FNIP1: variants seen among roughly 807,000 people sequenced by gnomAD.
FNIP1 encodes folliculin interacting protein 1.
FNIP1 carries 40 observed loss-of-function variants against 124.5 expected under a neutral mutation model. That is an observed-to-expected ratio of 0.32 (90% CI 0.25 to 0.42). FNIP1 has a LOEUF of 0.42. Ranked by LOEUF, FNIP1 falls within the 10% of genes least tolerant of loss-of-function variation. The pLI is 1.00. For synonymous variants in FNIP1, 472 were observed against 470.6 expected (o/e 1.00, Z -0.04); for missense variants, 1,176 against 1,403.7 (o/e 0.84, Z 2.59).
At chr5:131,679,215 AGAGTTACATACT>A in intron 11 of FNIP1, 40 bp from the exon 12 acceptor site, 1 of 1,161,774 alleles carries the variant, frequency 8.6e-7, no homozygotes, top group Non-Finnish European at 1.3e-6. Context: ...TATAGTTCCA[AGAGTTACATACT>A]CTTAAAATAA....
chr5:131,744,829 A>T (rs1561686180), intron 1 of FNIP1, 139 bp from the exon 2 acceptor site: 7 of 533,282 alleles, frequency 1.3e-5, no homozygotes, highest in Non-Finnish European at 1.8e-5. Flanking sequence ...CTTTATATTA[A>T]ATATCACCAG....
At chr5:131,701,928 T>G (rs1334440151) in intron 10 of FNIP1, among the ~76,000 whole-genome samples, 1 of 152,132 alleles carries the variant, frequency 6.6e-6, no homozygotes, top group African/African-American at 2.4e-5. Context: ...CTATTCCTCT[T>G]TGTATCCTTT....
At chr5:131,795,083 G>T (rs1333460316) in intron 1 of FNIP1, among the ~76,000 whole-genome samples, 1 of 151,940 alleles carries the variant, frequency 6.6e-6, no homozygotes, top group Admixed American at 6.6e-5. Context: ...AACCAGAATG[G>T]TTTTTTTTCC....
At chr5:131,758,460 G>A (rs1426162260) in intron 1 of FNIP1, among the ~76,000 whole-genome samples, 1 of 152,122 alleles carries the variant, frequency 6.6e-6, no homozygotes, top group African/African-American at 2.4e-5. Flanking sequence ...TTTAACTGAA[G>A]ACAAATGTAA....
intron 8 of FNIP1, among the ~76,000 whole-genome samples, chr5:131,708,146 A>T (rs999988895): frequency 6.6e-6 from 1 of 152,216 alleles, no homozygotes; most frequent in African/African-American, 2.4e-5. Context: ...ACAAATACAG[A>T]TGCCTAGAGA....
chr5:131,726,129 C>T (rs1189818214), intron 3 of FNIP1, among the ~76,000 whole-genome samples: 1 of 152,172 alleles, frequency 6.6e-6, no homozygotes, highest in Non-Finnish European at 1.5e-5. Flanking sequence ...CATTGATGTT[C>T]ATCAGGGATA....
intron 3 of FNIP1, among the ~76,000 whole-genome samples, chr5:131,729,155 T>C (rs891381114): frequency 1.2e-4 from 19 of 152,132 alleles, no homozygotes; most frequent in South Asian, 4.1e-4. Flanking sequence ...TGAGGAGTCA[T>C]AGGGGTCAGG....
At chr5:131,696,738 T>G (rs1768706760) in intron 11 of FNIP1, among the ~76,000 whole-genome samples, 1 of 152,126 alleles carries the variant, frequency 6.6e-6, no homozygotes, top group Admixed American at 6.5e-5. Flanking sequence ...TACAAATTAT[T>G]TCTAATACCA....
chr5:131,782,860 A>G (rs1772041462), intron 1 of FNIP1, among the ~76,000 whole-genome samples: 1 of 152,228 alleles, frequency 6.6e-6, no homozygotes, highest in African/African-American at 2.4e-5. Flanking sequence ...TGGTGGTTTC[A>G]CCATGTTGGC....
chr5:131,756,106 C>T (rs922041961), intron 1 of FNIP1, among the ~76,000 whole-genome samples: 3 of 151,848 alleles, frequency 2.0e-5, no homozygotes, highest in East Asian at 1.9e-4. Flanking sequence ...TAAAAGTGTT[C>T]ATGGAATTTA....
chr5:131,784,118 C>A (rs1054918415), intron 1 of FNIP1, among the ~76,000 whole-genome samples: 1 of 152,098 alleles, frequency 6.6e-6, no homozygotes, highest in African/African-American at 2.4e-5. Flanking sequence ...GCAGTCCAGA[C>A]TGGAGCCAGA....
chr5:131,753,134 A>G (rs928893902), intron 1 of FNIP1, among the ~76,000 whole-genome samples: 17 of 152,100 alleles, frequency 1.1e-4, no homozygotes, highest in African/African-American at 4.1e-4. Flanking sequence ...AAATGGCTAA[A>G]ACTGACACGA....
intron 15 of FNIP1, among the ~76,000 whole-genome samples, chr5:131,665,666 AG>A (rs1767580024): frequency 6.7e-6 from 1 of 149,440 alleles, no homozygotes; most frequent in African/African-American, 2.5e-5. Context: ...CTCAGCTCAC[AG>A]CAACCTCTGC....
chr5:131,745,933 A>G (rs1455103809), intron 1 of FNIP1, among the ~76,000 whole-genome samples: 2 of 152,236 alleles, frequency 1.3e-5, no homozygotes, highest in East Asian at 3.9e-4. Context: ...AGTAAGGTGG[A>G]GGGAAAAGTG....
chr5:131,748,314 TGC>T (rs1770751574), intron 1 of FNIP1, among the ~76,000 whole-genome samples: 1 of 152,172 alleles, frequency 6.6e-6, no homozygotes, highest in Non-Finnish European at 1.5e-5. Context: ...TCTGTGGTGA[TGC>T]TCATGTAAAC....
At chr5:131,680,215 G>C (rs1561651386) in intron 11 of FNIP1, among the ~76,000 whole-genome samples, 2 of 152,192 alleles carry the variant, frequency 1.3e-5, no homozygotes, top group African/African-American at 2.4e-5. Flanking sequence ...AGTTCTCTGA[G>C]ATTTCCATAA....
chr5:131,703,438 A>C (rs770295175), intron 10 of FNIP1, among the ~76,000 whole-genome samples: 23 of 152,370 alleles, frequency 1.5e-4, no homozygotes, highest in Non-Finnish European at 2.5e-4. Context: ...TTGTAAGAAT[A>C]AATGCTAATG....
At position 131,747,665 on chromosome 5, in the gene FNIP1, G is replaced by T. The variant is rs1770726828; in HGVS notation, c.93-2975C>A. ...GAAGCAAAAGTCATTGGTGACCATA[G>T]CAAGGACAGTTCTAAGGAATAAAGA... On this transcript the variant is annotated intron_variant, in intron 1 of 17. Transcript: ENST00000510461. Among the ~76,000 whole-genome samples the T allele has an allele frequency of 2.6e-5, 4 of 152,164 alleles. No individual in the cohort carries two copies. In the South Asian group the frequency reaches 8.3e-4, roughly 32 times the overall value.
At chr5:131,647,527 T>C (rs1766924235) in intron 16 of FNIP1, among the ~76,000 whole-genome samples, 1 of 151,966 alleles carries the variant, frequency 6.6e-6, no homozygotes, top group Admixed American at 6.6e-5. Context: ...CAGGCTGGAG[T>C]GCAAAGCGCG....
Sources: gnomAD v4.1 joint callset for allele counts (sites outside exome capture counted in the v4.1 genomes callset) on GRCh38, gnomAD v4.1.1 for gene constraint, MANE v1.5 for transcripts, NCBI Gene and HGNC (gene_info 2026-07-23, HGNC 2026-07-21) for gene names.